Variants in SLC7A8 observed in about 807,000 individuals in gnomAD.
SLC7A8 encodes the protein large neutral amino acids transporter small subunit 2.
Under a neutral mutation model 51.2 loss-of-function variants are expected in SLC7A8, and 30 were observed. The ratio of observed to expected loss-of-function variants is 0.59; its 90% confidence interval spans 0.44 to 0.80. The LOEUF (loss-of-function observed/expected upper bound fraction) is 0.80, where lower values mean the gene tolerates loss of function less well. SLC7A8 is among the 30% of genes least tolerant of loss of function. The pLI is 0.00. For missense variants in SLC7A8, 612 were observed against 674.4 expected (o/e 0.91, Z 1.03); for synonymous variants, 257 against 275.8 (o/e 0.93, Z 0.67).
At chr14:23,155,806 A>C (rs1352534244) in intron 3 of SLC7A8, among the ~76,000 whole-genome samples, 3 of 151,854 alleles carry the variant, frequency 2.0e-5, no homozygotes, top group Non-Finnish European at 4.4e-5. Flanking sequence ...ATCATATTTC[A>C]GTCTTGGAAG....
intron 1 of SLC7A8, among the ~76,000 whole-genome samples, chr14:23,179,377 C>A (rs556838157): frequency 2.6e-5 from 4 of 152,254 alleles, no homozygotes; most frequent in African/African-American, 9.6e-5. Flanking sequence ...ATTCTGTTAT[C>A]CTTGCTTTCA....
intron 1 of SLC7A8, among the ~76,000 whole-genome samples, chr14:23,170,679 G>A (rs1021434644): frequency 4.6e-5 from 7 of 151,984 alleles, no homozygotes; most frequent in Non-Finnish European, 7.4e-5. Context: ...GGCTGGTCTC[G>A]AACTCCTGAC....
At chr14:23,163,221 C>T in intron 3 of SLC7A8, among the ~76,000 whole-genome samples, 1 of 152,154 alleles carries the variant, frequency 6.6e-6, no homozygotes, top group East Asian at 1.9e-4. Context: ...TGTCCCCTTC[C>T]TTCTCTCTTG....
chr14:23,175,229 TTTG>T (rs1468905440), intron 1 of SLC7A8, among the ~76,000 whole-genome samples: 5 of 152,250 alleles, frequency 3.3e-5, no homozygotes, highest in Admixed American at 1.3e-4. Context: ...TGTTTGTTTG[TTTG>T]TTGTTGTTTT....
chr14:23,151,890 C>G (rs915442894), intron 3 of SLC7A8, among the ~76,000 whole-genome samples: 11 of 151,878 alleles, frequency 7.2e-5, no homozygotes, highest in African/African-American at 2.7e-4. Flanking sequence ...ATAGCAAAAC[C>G]CTGTCTCTAT....
chr14:23,140,697 C>T (rs965671215), intron 4 of SLC7A8, 73 bp from the exon 5 acceptor site: 3 of 1,464,924 alleles, frequency 2.0e-6, no homozygotes, highest in African/African-American at 2.8e-5. Flanking sequence ...CCTGCCCTGG[C>T]CCACCTCTCA....
In SLC7A8 at chr14:23,127,056, A is replaced by C; in HGVS notation, c.*121T>G. 7.9e-7 allele frequency: 1 copy of C among 1,270,940 alleles called. No homozygotes were observed. The highest frequency in any genetic ancestry group is 1.1e-6 in the Non-Finnish European group (1 of 899,902). 78.7% of individuals were successfully genotyped at this position (1,270,940 alleles called of 1,614,324 possible). A position where few individuals can be genotyped will look rare whatever the true frequency, so the allele number is the denominator to read the frequency against. On this transcript the variant is annotated 3_prime_UTR_variant, in exon 11 of 11. Transcript: ENST00000316902. Reference sequence around the variant, plus strand: ...TTCTCACCACCCACACCAAAGTCCTACCACTGCCTGACAAAAGCAGAGAGA... The same window carrying C: ...TTCTCACCACCCACACCAAAGTCCTCCCACTGCCTGACAAAAGCAGAGAGA...
At chr14:23,180,115 C>A (rs535767140) in intron 1 of SLC7A8, among the ~76,000 whole-genome samples, 3 of 152,086 alleles carry the variant, frequency 2.0e-5, no homozygotes, top group African/African-American at 7.2e-5. Flanking sequence ...ACCGTGTTAG[C>A]CAGGATGGTC....
In SLC7A8 at chr14:23,127,046, C is replaced by T. The variant is rs1435199360; in HGVS notation, c.*131G>A. Reference sequence around the variant, plus strand: ...TGTTTACAATTTCTCACCACCCACACCAAAGTCCTACCACTGCCTGACAAA... The same window carrying T: ...TGTTTACAATTTCTCACCACCCACATCAAAGTCCTACCACTGCCTGACAAA... On this transcript the variant is annotated 3_prime_UTR_variant, in exon 11 of 11. Coordinates refer to ENST00000316902, the MANE Select transcript of SLC7A8 (RefSeq NM_012244.4). 2.6e-6 allele frequency: 3 copies of T among 1,175,396 alleles called. No homozygotes were observed. The highest frequency in any genetic ancestry group is 3.0e-5 in the African/African-American group (2 of 66,038). The allele number at this position is 1,175,396 out of a possible 1,614,324, so 72.8% of individuals were successfully genotyped here. A position where few individuals can be genotyped will look rare whatever the true frequency, so the allele number is the denominator to read the frequency against.
At position 23,165,784 on chromosome 14, in the gene SLC7A8, C is replaced by T. The variant is rs114199498; in HGVS notation, c.357-348G>A. ...ACAGGACATACTAAGGGTGTGGTTA[C>T]GTAAGCAATAATCAGGAGAGGTATC... On this transcript the variant is annotated intron_variant, in intron 2 of 10. Coordinates refer to ENST00000316902, the MANE Select transcript of SLC7A8 (RefSeq NM_012244.4). The surrounding 1 kb of genome is among the most constrained non-coding windows in gnomAD (Gnocchi z 4.2). Among the ~76,000 whole-genome samples the T allele has an allele frequency of 2.3e-3, 344 of 152,216 alleles. 1 individual carries two copies. Among genetic ancestry groups the T allele is most frequent in the African/African-American group, 7.4e-3 (308 of 41,528 alleles).
At chr14:23,131,088 C>A (rs1439119604) in intron 8 of SLC7A8, among the ~76,000 whole-genome samples, 1 of 152,168 alleles carries the variant, frequency 6.6e-6, no homozygotes, top group Non-Finnish European at 1.5e-5. Context: ...TTGCAGGGAC[C>A]AACCAGCCAG....
At position 23,138,072 on chromosome 14, in the gene SLC7A8, C is replaced by G. The variant is rs768564741; in HGVS notation, c.913-48G>C. The G allele has an allele frequency of 3.7e-6, 6 of 1,600,574 alleles. No individual in the cohort carries two copies. The South Asian group carries it at 6.6e-5, about 18-fold the overall frequency. ...AAGCAAAGGAGAGGTCACCACTCCC[C>G]GACCCCTCAGCTCCCACTTCACTCT... On this transcript the variant is annotated intron_variant, in intron 6 of 10. Transcript: ENST00000316902.
At position 23,127,146 on chromosome 14, in the gene SLC7A8, G is replaced by A. The variant is rs772002741; in HGVS notation, c.*31C>T. 10 of 1,612,396 alleles carry A rather than the reference G, an allele frequency of 6.2e-6. No homozygotes were observed. The South Asian group carries it at 7.7e-5, about 12-fold the overall frequency. ...CAGGGAGGTAGGATAAAAGGGGGAG[G>A]AAGGAGAGAGTAGCCAGGGAATGGT... On this transcript the variant is annotated 3_prime_UTR_variant, in exon 11 of 11. Transcript: ENST00000316902.
rs2048735219 is a variant in SLC7A8, at chr14:23,140,595, C to T, written c.664G>A (p.Ala222Thr). The change falls in exon 5 of 11, where the codon GCA becomes ACA. Residue 222 changes from alanine (A) to threonine (T), a missense_variant. Transcript: ENST00000316902. The part of the protein sequence containing the change: ...GEYFWLEPKN[A>T]FENFQEPDIG... ...TCAGGTTCCTGGAAATTCTCAAATG[C>T]ATTCTTTGGCTCCAGCCAGAAGTAC... 1.2e-6 allele frequency: 2 copies of T among 1,614,070 alleles called. No individual in the cohort carries two copies. The highest frequency in any genetic ancestry group is 1.7e-6 in the Non-Finnish European group (2 of 1,179,948).
rs985317306 is a variant in SLC7A8 at position 23,127,179 on chromosome 14, A to C, written c.1606T>G (p.Ter536GlyextTer41). 1 of 1,613,978 alleles carries C rather than the reference A, an allele frequency of 6.2e-7. No individual in the cohort carries two copies. Among genetic ancestry groups the C allele is most frequent in the East Asian group, 2.2e-5 (1 of 44,878 alleles). ...DKDVAGQPQP[*>G] Reference sequence around the variant, plus strand: ...GAGTAGCCAGGGAATGGTGGTCCTCAGGGCTGGGGCTGCCCCGCCACGTCC... The same window carrying C: ...GAGTAGCCAGGGAATGGTGGTCCTCCGGGCTGGGGCTGCCCCGCCACGTCC... Residue 536 changes from the stop codon to glycine (G), a stop_lost, in exon 11 of 11, where the codon TGA becomes GGA. Transcript: ENST00000316902.
intron 8 of SLC7A8, 87 bp downstream of exon 8, chr14:23,131,374 G>T: frequency 1.8e-6 from 2 of 1,084,374 alleles, no homozygotes; most frequent in Non-Finnish European, 2.6e-6. Flanking sequence ...GGTAACAGGG[G>T]TGTGTGTGAA....
At chr14:23,149,638 G>A (rs1367125044) in intron 3 of SLC7A8, among the ~76,000 whole-genome samples, 1 of 152,172 alleles carries the variant, frequency 6.6e-6, no homozygotes, top group Non-Finnish European at 1.5e-5. Context: ...TGGCCCCACC[G>A]TGTACTGTCC....
At chr14:23,159,957 A>G (rs1056108251) in intron 3 of SLC7A8, among the ~76,000 whole-genome samples, 4 of 152,202 alleles carry the variant, frequency 2.6e-5, no homozygotes, top group African/African-American at 7.2e-5. Context: ...AAGGAGAAGG[A>G]ACTTCTTTAG....
chr14:23,158,462 C>T (rs1448258206), intron 3 of SLC7A8, among the ~76,000 whole-genome samples: 1 of 152,200 alleles, frequency 6.6e-6, no homozygotes, highest in African/African-American at 2.4e-5. Flanking sequence ...TCTCCTACCT[C>T]AGCCTCCTGA....
Sources: gnomAD v4.1 joint callset for allele counts (sites outside exome capture counted in the v4.1 genomes callset) on GRCh38, gnomAD v4.1.1 for gene constraint, Gnocchi (gnomAD v3.1) non-coding constraint, MANE v1.5 for transcripts, NCBI Gene and HGNC (gene_info 2026-07-23, HGNC 2026-07-21) for gene names.